Variants in STAC observed in about 807,000 individuals in gnomAD.
STAC encodes SH3 and cysteine-rich domain-containing protein.
In STAC, 43 loss-of-function variants were observed where a neutral mutation model predicts 48.8. The ratio of observed to expected loss-of-function variants is 0.88; its 90% CI spans 0.69 to 1.14. The LOEUF (loss-of-function observed/expected upper bound fraction) is 1.14, where lower values mean the gene tolerates loss of function less well. Ranked by LOEUF, STAC falls within the 50% of genes most tolerant of loss-of-function variation. The pLI is 0.00. For synonymous variants in STAC, 193 were observed against 179.5 expected (o/e 1.07, Z -0.60); for missense variants, 497 against 504.0 (o/e 0.99, Z 0.13).
rs1697943257 is a variant in STAC at position 36,490,620 on chromosome 3, T to C, written c.688-2531T>C. On this transcript the variant is annotated intron_variant, in intron 5 of 10. Coordinates refer to ENST00000273183, the MANE Select transcript of STAC (RefSeq NM_003149.3). ...GACGGCTCCACAGAGATGGCTCTGA[T>C]CTATCTGCACGAGCAGTAGATGGCT... Among the ~76,000 whole-genome samples the C allele has an allele frequency of 2.6e-5, 4 of 152,118 alleles. No homozygotes were observed. In the South Asian group the frequency reaches 8.3e-4, roughly 32 times the overall value.
chr3:36,417,596 T>TCC (rs1700348794), intron 1 of STAC, among the ~76,000 whole-genome samples: 1 of 152,248 alleles, frequency 6.6e-6, no homozygotes. Context: ...TTTATTTGGT[T>TCC]TCCTAGTATT....
chr3:36,438,157 G>A (rs976827575), intron 1 of STAC, among the ~76,000 whole-genome samples: 20 of 152,046 alleles, frequency 1.3e-4, no homozygotes, highest in Admixed American at 2.0e-4. Context: ...GGCTGGTCTC[G>A]AACTCCCAAC....
intron 2 of STAC, among the ~76,000 whole-genome samples, chr3:36,450,898 T>C (rs1032141197): frequency 6.6e-6 from 1 of 152,252 alleles, no homozygotes; most frequent in African/African-American, 2.4e-5. Flanking sequence ...CTTAGTTTTT[T>C]TCATGTTTGT....
At position 36,512,111 on chromosome 3, in the gene STAC, G is replaced by A. The variant is rs962991947; in HGVS notation, c.920+6277G>A. 3.3e-5 allele frequency among the ~76,000 whole-genome samples: 5 copies of A among 152,256 alleles called. No individual in the cohort carries two copies. The East Asian group carries it at 9.7e-4, about 29-fold the overall frequency. ...GCCTGAGTCCTGGCTCCTTAGATTT[G>A]TAGAGACAATTAAGGTCTTGTACAT... On this transcript the variant is annotated intron_variant, in intron 8 of 10. Coordinates refer to ENST00000273183, the MANE Select transcript of STAC (RefSeq NM_003149.3).
At chr3:36,417,423 A>C (rs566292515) in intron 1 of STAC, among the ~76,000 whole-genome samples, 1 of 152,182 alleles carries the variant, frequency 6.6e-6, no homozygotes, top group East Asian at 1.9e-4. Flanking sequence ...AGTCCAGTGT[A>C]CTTATACACA....
intron 1 of STAC, among the ~76,000 whole-genome samples, chr3:36,424,760 C>T (rs1228204972): frequency 6.6e-6 from 1 of 151,974 alleles, no homozygotes; most frequent in Non-Finnish European, 1.5e-5. Flanking sequence ...CTAAAAGGAG[C>T]TCTGAATGAG....
intron 8 of STAC, among the ~76,000 whole-genome samples, chr3:36,511,353 C>T (rs1050345759): frequency 5.9e-5 from 9 of 152,122 alleles, no homozygotes; most frequent in South Asian, 2.1e-4. Context: ...CACTCAGCAA[C>T]GAGTACTTAT....
intron 1 of STAC, among the ~76,000 whole-genome samples, chr3:36,416,741 A>G (rs1380671294): frequency 6.6e-6 from 1 of 152,048 alleles, no homozygotes; most frequent in African/African-American, 2.4e-5. Context: ...TCTCTATGCC[A>G]TGTTATTTTT....
intron 6 of STAC, among the ~76,000 whole-genome samples, chr3:36,494,012 C>A (rs1204511465): frequency 1.3e-5 from 2 of 151,082 alleles, no homozygotes; most frequent in African/African-American, 2.4e-5. Context: ...ATTAGCCGGG[C>A]GTGATGGTGG....
chr3:36,520,043 AAAGGAT>A (rs1283180387), intron 8 of STAC, among the ~76,000 whole-genome samples: 2 of 152,194 alleles, frequency 1.3e-5, no homozygotes, highest in African/African-American at 4.8e-5. Flanking sequence ...AGGTAATCTG[AAAGGAT>A]ATGCCAGACG....
intron 1 of STAC, 106 bp downstream of exon 1, chr3:36,380,860 T>C: frequency 1.4e-6 from 1 of 724,618 alleles, no homozygotes; most frequent in Non-Finnish European, 2.2e-6. Flanking sequence ...GTCTGAGACT[T>C]GCTAGTTAGC....
chr3:36,432,349 G>A (rs1039579561), intron 1 of STAC, among the ~76,000 whole-genome samples: 6 of 152,308 alleles, frequency 3.9e-5, no homozygotes, highest in Admixed American at 3.3e-4. Flanking sequence ...AGTCTTCACT[G>A]TGTCTCTTCC....
intron 1 of STAC, among the ~76,000 whole-genome samples, chr3:36,441,870 T>C (rs781497560): frequency 1.1e-4 from 16 of 152,220 alleles, no homozygotes; most frequent in Non-Finnish European, 1.9e-4. Flanking sequence ...TTGTCAGCCA[T>C]TTGTATGTCT....
rs7630030 is a variant in STAC at position 36,402,332 on chromosome 3, C to T, written c.111+21578C>T. Among the ~76,000 whole-genome samples the T allele has an allele frequency of 0.018, 2,731 of 149,950 alleles. 148 individuals carry two copies. In the East Asian group the frequency reaches 0.22, roughly 12 times the overall value. On this transcript the variant is annotated intron_variant, in intron 1 of 10. Coordinates refer to ENST00000273183, the MANE Select transcript of STAC (RefSeq NM_003149.3). ...AGGAAGGGAAAAGGGAAGGGAAGAG[C>T]GAGGAAGAAGATGGGGAGAAAGAGG...
At chr3:36,440,295 A>G (rs149736097) in intron 1 of STAC, among the ~76,000 whole-genome samples, 3,572 of 152,342 alleles carry the variant, frequency 0.023, 59 homozygotes, top group Middle Eastern at 0.065. Context: ...TACACGCAAT[A>G]GATACCTAAT....
At chr3:36,434,126 A>G (rs1369718116) in intron 1 of STAC, among the ~76,000 whole-genome samples, 1 of 152,226 alleles carries the variant, frequency 6.6e-6, no homozygotes, top group Admixed American at 6.5e-5. Flanking sequence ...TGAATGTGGA[A>G]AGTGCTTTGA....
At position 36,546,313 on chromosome 3, in the gene STAC, A is replaced by G; in HGVS notation, c.*24A>G. The G allele has an allele frequency of 6.2e-7, 1 of 1,602,444 alleles. No individual in the cohort carries two copies. The highest frequency in any genetic ancestry group is 2.2e-5 in the East Asian group (1 of 44,756). ...GATTGCTGGCTCCTCCTCCGTTTGCAGTAGGCAAGCTCTGCTGCGATGCCT... is the reference window on the plus strand; with the variant it reads ...GATTGCTGGCTCCTCCTCCGTTTGCGGTAGGCAAGCTCTGCTGCGATGCCT... On this transcript the variant is annotated 3_prime_UTR_variant, in exon 11 of 11. Coordinates refer to ENST00000273183, the MANE Select transcript of STAC (RefSeq NM_003149.3).
rs1022398437 is a variant in STAC, at chr3:36,461,627, G to T, written c.388+17987G>T. Among the ~76,000 whole-genome samples, 23 of 152,184 alleles carry T rather than the reference G, an allele frequency of 1.5e-4. 1 individual carries two copies. Among genetic ancestry groups the T allele is most frequent in the African/African-American group, 5.5e-4 (23 of 41,442 alleles). ...AACAAGAAGAGAAAGAAGTGCAGAG[G>T]CAGGGGGCAGGTTGCAGTATCACAT... On this transcript the variant is annotated intron_variant, in intron 2 of 10. Coordinates refer to ENST00000273183, the MANE Select transcript of STAC (RefSeq NM_003149.3).
rs765548085 is a variant in STAC at position 36,514,204 on chromosome 3, C to CTTTTTTTTTTTT, written c.920+8390_920+8401dup. ...TCTCTGATCCATCTACACTGGCCTT[C>CTTTTTTTTTTTT]TTTTTTTTTTTTTTTTTTTTTTTTT... On this transcript the variant is annotated intron_variant, in intron 8 of 10. Transcript: ENST00000273183. 3.0e-4 allele frequency among the ~76,000 whole-genome samples: 11 copies of CTTTTTTTTTTTT among 36,432 alleles called. 4 individuals carry two copies. The highest frequency in any genetic ancestry group is 9.1e-4 in the Admixed American group (2 of 2,186). 23.9% of individuals were successfully genotyped at this position (36,432 alleles called of 152,430 possible).
Sources: gnomAD v4.1 joint callset for allele counts (sites outside exome capture counted in the v4.1 genomes callset) on GRCh38, gnomAD v4.1.1 for gene constraint, MANE v1.5 for transcripts, NCBI Gene and HGNC (gene_info 2026-07-23, HGNC 2026-07-21) for gene names.